CDC42SE2: variants seen among roughly 807,000 people sequenced by gnomAD.
CDC42SE2 encodes CDC42 small effector protein 2.
CDC42SE2 carries 3 observed loss-of-function variants against 11.5 expected under a neutral mutation model. The ratio of observed to expected loss-of-function variants is 0.26; its 90% CI spans 0.12 to 0.67. CDC42SE2 has a LOEUF of 0.67. CDC42SE2 is among the 30% of genes least tolerant of loss of function. The pLI is 0.80. For missense variants in CDC42SE2, 82 were observed against 106.8 expected, an observed-to-expected ratio of 0.77 and a Z score of 1.02; for synonymous variants, 33 against 34.8, an observed-to-expected ratio of 0.95 and a Z score of 0.18.
rs113634557 is a variant in CDC42SE2, at chr5:131,369,021, C to G, written c.54+9474C>G. Among the ~76,000 whole-genome samples the G allele has an allele frequency of 7.3e-3, 1,116 of 152,280 alleles. 11 individuals carry two copies. Among genetic ancestry groups the G allele is most frequent in the African/African-American group, 0.026 (1,068 of 41,554 alleles). On this transcript the variant is annotated intron_variant, in intron 3 of 4. Coordinates refer to ENST00000505065, the MANE Select transcript of CDC42SE2 (RefSeq NM_001375635.1). Reference sequence around the variant, plus strand: ...AGCACCCCAGAAGCCTCCTTGTGTCCTTTCCAATTACACACGTGCCTGTTC... The same window carrying G: ...AGCACCCCAGAAGCCTCCTTGTGTCGTTTCCAATTACACACGTGCCTGTTC...
In CDC42SE2 at chr5:131,337,759, CCT is replaced by C. The variant is rs1486477801; in HGVS notation, c.-285-21447_-285-21446del. 2.0e-5 allele frequency among the ~76,000 whole-genome samples: 3 copies of C among 152,336 alleles called. No individual in the cohort carries two copies. The East Asian group carries it at 5.8e-4, about 29-fold the overall frequency. On this transcript the variant is annotated intron_variant, in intron 2 of 4. Coordinates refer to ENST00000505065, the MANE Select transcript of CDC42SE2 (RefSeq NM_001375635.1). ...GAGCGAGGCTCCGTGAGGGTAGGACCCTCTGAGCCATGTGTGGGATATAATCT... is the reference window on the plus strand; with the variant it reads ...GAGCGAGGCTCCGTGAGGGTAGGACCCTGAGCCATGTGTGGGATATAATCT...
chr5:131,259,402 T>C (rs1048130279), upstream of CDC42SE2, among the ~76,000 whole-genome samples: 3 of 152,246 alleles, frequency 2.0e-5, no homozygotes, highest in African/African-American at 7.2e-5. Flanking sequence ...GTAATTTATA[T>C]AACATTGGTC....
chr5:131,294,939 A>C (rs1757538146), intron 1 of CDC42SE2, among the ~76,000 whole-genome samples: 1 of 152,142 alleles, frequency 6.6e-6, no homozygotes, highest in Non-Finnish European at 1.5e-5. Context: ...CATCCTGGCT[A>C]ACATGGTGAA....
intron 1 of CDC42SE2, among the ~76,000 whole-genome samples, chr5:131,299,587 C>G (rs972400872): frequency 1.3e-5 from 2 of 152,078 alleles, no homozygotes; most frequent in African/African-American, 4.8e-5. Flanking sequence ...AAGCAGGGTT[C>G]AGTAAAGTTT....
the CDC42SE2 span, among the ~76,000 whole-genome samples, chr5:131,216,508 A>AAAAAAAC: frequency 1.2e-3 from 181 of 146,868 alleles, 8 homozygotes; most frequent in African/African-American, 4.4e-3. Flanking sequence ...TCTCAAAAAA[A>AAAAAAAC]AAAAAAAAAA....
chr5:131,312,184 TCTGTTG>T (rs1757934138), intron 1 of CDC42SE2, among the ~76,000 whole-genome samples: 1 of 151,964 alleles, frequency 6.6e-6, no homozygotes, highest in Non-Finnish European at 1.5e-5. Context: ...CAGCTGCCGG[TCTGTTG>T]GAGTACCTTG....
chr5:131,305,160 T>A (rs1580742489), intron 1 of CDC42SE2, among the ~76,000 whole-genome samples: 1 of 152,308 alleles, frequency 6.6e-6, no homozygotes, highest in Admixed American at 6.5e-5. Context: ...CATAATTATT[T>A]TGAGATTAAT....
intron 1 of CDC42SE2, among the ~76,000 whole-genome samples, chr5:131,274,118 T>G (rs920664464): frequency 6.6e-6 from 1 of 152,192 alleles, no homozygotes; most frequent in African/African-American, 2.4e-5. Context: ...TCTGGATCTG[T>G]TTCCTACCTC....
At chr5:131,325,753 A>C (rs1315399349) in intron 2 of CDC42SE2, among the ~76,000 whole-genome samples, 1 of 152,242 alleles carries the variant, frequency 6.6e-6, no homozygotes, top group Non-Finnish European at 1.5e-5. Context: ...AACTGGAATT[A>C]AAGTTCTGTC....
intron 2 of CDC42SE2, among the ~76,000 whole-genome samples, chr5:131,357,234 T>G (rs115542579): frequency 0.01 from 1,586 of 152,332 alleles, 31 homozygotes; most frequent in African/African-American, 0.036. Context: ...ATGGCAAAAA[T>G]GTAAACTTTT....
the CDC42SE2 span, among the ~76,000 whole-genome samples, chr5:131,239,137 G>A: frequency 2.0e-5 from 3 of 151,424 alleles, no homozygotes; most frequent in South Asian, 6.3e-4. Flanking sequence ...TCCAGCCTGG[G>A]CGACAGAGAC....
intron 2 of CDC42SE2, among the ~76,000 whole-genome samples, chr5:131,347,776 C>T (rs906331421): frequency 6.6e-6 from 1 of 152,176 alleles, no homozygotes; most frequent in Non-Finnish European, 1.5e-5. Context: ...CCAAATCCAG[C>T]AGCACCTCAA....
At chr5:131,260,282 A>G (rs1054618142), upstream of CDC42SE2, among the ~76,000 whole-genome samples, 9 of 152,156 alleles carry the variant, frequency 5.9e-5, no homozygotes, top group African/African-American at 1.7e-4. Context: ...ATGTCTCCTA[A>G]ATGTTAGAAA....
At chr5:131,235,809 G>A in the CDC42SE2 span, among the ~76,000 whole-genome samples, 1 of 151,846 alleles carries the variant, frequency 6.6e-6, no homozygotes, top group African/African-American at 2.4e-5. Flanking sequence ...TGGCCGGGCT[G>A]CTCTCGAACT....
intron 1 of CDC42SE2, among the ~76,000 whole-genome samples, chr5:131,275,352 G>A (rs571332117): frequency 6.6e-6 from 1 of 151,028 alleles, no homozygotes; most frequent in African/African-American, 2.4e-5. Context: ...GCTAGAGTGC[G>A]GTGGTGTGAT....
chr5:131,381,312 G>GT (rs113604313), intron 3 of CDC42SE2, among the ~76,000 whole-genome samples: 25 of 148,682 alleles, frequency 1.7e-4, no homozygotes, highest in Middle Eastern at 3.5e-3. Context: ...ACCAAGTGCT[G>GT]TTTTTTTTTG....
At chr5:131,387,076 T>A (rs777132734) in intron 4 of CDC42SE2, among the ~76,000 whole-genome samples, 1 of 152,152 alleles carries the variant, frequency 6.6e-6, no homozygotes, top group African/African-American at 2.4e-5. Context: ...GTCAAAACAG[T>A]CAGTAGTTTT....
chr5:131,354,195 G>A lies in CDC42SE2; in HGVS notation c.-285-5014G>A, dbSNP rs999249280. Among the ~76,000 whole-genome samples the A allele has an allele frequency of 4.6e-5, 7 of 152,026 alleles. No homozygotes were observed. In the East Asian group the frequency reaches 5.8e-4, roughly 13 times the overall value. On this transcript the variant is annotated intron_variant, in intron 2 of 4. Transcript: ENST00000505065. Reference sequence around the variant, plus strand: ...AGAGGTTGCGGTGAGCTGAGATTGCGACACTGCACTCTAGCCTGGGCAGCA... The same window carrying A: ...AGAGGTTGCGGTGAGCTGAGATTGCAACACTGCACTCTAGCCTGGGCAGCA...
the CDC42SE2 span, among the ~76,000 whole-genome samples, chr5:131,225,297 C>A: frequency 1.3e-5 from 2 of 152,142 alleles, no homozygotes; most frequent in African/African-American, 4.8e-5. Flanking sequence ...TTCAAACTAA[C>A]GGGATTTCAG....
Sources: gnomAD v4.1 joint callset for allele counts (sites outside exome capture counted in the v4.1 genomes callset) on GRCh38, gnomAD v4.1.1 for gene constraint, MANE v1.5 for transcripts, NCBI Gene and HGNC (gene_info 2026-07-23, HGNC 2026-07-21) for gene names.